PLAC8: variants seen among roughly 807,000 people sequenced by gnomAD.
PLAC8 encodes placenta associated 8.
PLAC8 carries 6 observed loss-of-function variants against 12.6 expected under a neutral mutation model. That is an observed-to-expected ratio of 0.48 (90% CI 0.26 to 0.94). The LOEUF (loss-of-function observed/expected upper bound fraction) is 0.94. Among genes scored for constraint, PLAC8 ranks in the 40% least tolerant of loss-of-function variants. The pLI is 0.14. For synonymous variants in PLAC8, 54 were observed against 52.6 expected (o/e 1.03, Z -0.11); for missense variants, 122 against 152.7 (o/e 0.80, Z 1.06).
intron 3 of PLAC8, among the ~76,000 whole-genome samples, chr4:83,097,171 T>C (rs541484883): frequency 6.6e-6 from 1 of 152,212 alleles, no homozygotes; most frequent in African/African-American, 2.4e-5. Context: ...AATTAAGAAA[T>C]TGGCAAATGA....
rs147287711 is a variant in PLAC8, at chr4:83,102,520, C to T, written c.243+2376G>A. 1.3e-3 allele frequency among the ~76,000 whole-genome samples: 199 copies of T among 152,148 alleles called. 1 individual carries two copies. Among genetic ancestry groups the T allele is most frequent in the African/African-American group, 4.6e-3 (189 of 41,516 alleles). On this transcript the variant is annotated intron_variant, in intron 3 of 4. Coordinates refer to ENST00000311507, the MANE Select transcript of PLAC8 (RefSeq NM_016619.3). ...CGCCACTGCACTCCAGCCTGGGTGA[C>T]AGAGTGAGACCCTGTCTCAAAAAAC...
chr4:83,100,379 A>G (rs1049516437), intron 3 of PLAC8, among the ~76,000 whole-genome samples: 3 of 152,058 alleles, frequency 2.0e-5, no homozygotes, highest in African/African-American at 7.2e-5. Context: ...CATAATTGTA[A>G]GCTTCCACAG....
rs769028537 is a variant in PLAC8, at chr4:83,104,995, C to T, written c.144G>A (p.Pro48=). 3.1e-6 allele frequency: 5 copies of T among 1,613,892 alleles called. No individual in the cohort carries two copies. Among genetic ancestry groups the T allele is most frequent in the Non-Finnish European group, 4.2e-6 (5 of 1,180,008 alleles). ...CAGCTGCAACTTGACACCCAAGGCA[C>T]GGGAAACAAAATGTGCCACAGAGAC... ...GVCLCGTFCF[P]CLGCQVAADM... The change falls in exon 3 of 5, where the codon CCG becomes CCA. Residue 48 remains proline (P), a synonymous_variant. Coordinates refer to ENST00000311507, the MANE Select transcript of PLAC8 (RefSeq NM_016619.3).
At chr4:83,091,028 T>C (rs779315578) in intron 4 of PLAC8, 57 bp from the exon 5 acceptor site, 7 of 152,206 alleles carry the variant, frequency 4.6e-5, no homozygotes, top group Non-Finnish European at 7.4e-5. Flanking sequence ...TAATTTTTAA[T>C]AAACTTTTAA....
intron 3 of PLAC8, among the ~76,000 whole-genome samples, chr4:83,097,436 T>G (rs1471913003): frequency 6.6e-6 from 1 of 152,194 alleles, no homozygotes; most frequent in Non-Finnish European, 1.5e-5. Context: ...TAAGTTGTCT[T>G]GAAAATGTAG....
chr4:83,094,755 A>C lies in PLAC8; in HGVS notation c.280T>G (p.Cys94Gly). 1 of 1,604,946 alleles carries C rather than the reference A, an allele frequency of 6.2e-7. No homozygotes were observed. The highest frequency in any genetic ancestry group is 8.5e-7 in the Non-Finnish European group (1 of 1,177,164). ...ICDDYMATLC[C>G]PHCTLCQIKR... ...ATTTGGCAAAGAGTACAATGAGGAC[A>C]GCAAAGAGTTGCCATATAGTCATCA... Residue 94 changes from cysteine (C) to glycine (G), a missense_variant, in exon 4 of 5, where the codon TGT (cysteine) becomes GGT (glycine). Coordinates refer to ENST00000311507, the MANE Select transcript of PLAC8 (RefSeq NM_016619.3).
intron 4 of PLAC8, among the ~76,000 whole-genome samples, chr4:83,092,426 G>A (rs1385826722): frequency 6.6e-6 from 1 of 151,776 alleles, no homozygotes. Context: ...TAGAGATGAG[G>A]TCTTGCTATG....
intron 3 of PLAC8, among the ~76,000 whole-genome samples, chr4:83,103,258 G>T (rs921613029): frequency 6.0e-5 from 9 of 149,230 alleles, no homozygotes; most frequent in Non-Finnish European, 1.5e-5. Context: ...AGCTGGGCAC[G>T]GTGGCGGGTA....
chr4:83,103,979 T>C (rs1732176165), intron 3 of PLAC8, among the ~76,000 whole-genome samples: 2 of 152,102 alleles, frequency 1.3e-5, no homozygotes, highest in Non-Finnish European at 2.9e-5. Context: ...ATTGTTGCCT[T>C]ACTTGAAGAA....
At chr4:83,091,925 C>T (rs1731816844) in intron 4 of PLAC8, among the ~76,000 whole-genome samples, 1 of 152,110 alleles carries the variant, frequency 6.6e-6, no homozygotes, top group South Asian at 2.1e-4. Context: ...CTAACACGAC[C>T]TTATTTTGTT....
intron 1 of PLAC8, among the ~76,000 whole-genome samples, chr4:83,110,554 G>C (rs1428575997): frequency 6.6e-6 from 1 of 152,182 alleles, no homozygotes; most frequent in Non-Finnish European, 1.5e-5. Flanking sequence ...TCGGGACCTG[G>C]TACACAGGAG....
rs757080345 is a variant in PLAC8, at chr4:83,094,831, C to T, written c.244-40G>A. On this transcript the variant is annotated intron_variant, in intron 3 of 4. Coordinates refer to ENST00000311507, the MANE Select transcript of PLAC8 (RefSeq NM_016619.3). Reference sequence around the variant, plus strand: ...AAAAGAAATAAAAATATAAAATTCACCTATTTGGAATTAAGACTTGCCACA... The same window carrying T: ...AAAAGAAATAAAAATATAAAATTCATCTATTTGGAATTAAGACTTGCCACA... 7 of 1,268,068 alleles carry T rather than the reference C, an allele frequency of 5.5e-6. No homozygotes were observed. The African/African-American group carries it at 9.2e-5, about 17-fold the overall frequency. The allele number at this position is 1,268,068 out of a possible 1,614,324, so 78.6% of individuals were successfully genotyped here.
Position 83,108,842 on chromosome 4 carries a change from C to T in PLAC8, c.-29-892G>A, listed in dbSNP as rs997543131. Among the ~76,000 whole-genome samples the T allele has an allele frequency of 1.7e-4, 26 of 152,250 alleles. No homozygotes were observed. The East Asian group carries it at 3.7e-3, about 21-fold the overall frequency. The stretch of plus-strand genomic sequence containing the variant: ...TTGTGTATATCCCCCCTTCTTGTTC[C>T]TAATTTATTCTTTTTTGTTTTGGAC... On this transcript the variant is annotated intron_variant, in intron 1 of 4. Coordinates refer to ENST00000311507, the MANE Select transcript of PLAC8 (RefSeq NM_016619.3).
intron 3 of PLAC8, among the ~76,000 whole-genome samples, chr4:83,098,945 T>C (rs760157284): frequency 8.5e-5 from 13 of 152,148 alleles, no homozygotes; most frequent in African/African-American, 3.1e-4. Flanking sequence ...ACAAAAATCA[T>C]ACAGGAAGCA....
intron 1 of PLAC8, chr4:83,109,810 G>C (rs987709726): frequency 1.0e-4 from 16 of 152,658 alleles, no homozygotes; most frequent in African/African-American, 3.6e-4. Context: ...CACCCCGCCG[G>C]ATTACGCCTC....
chr4:83,107,383 G>A (rs900913225), intron 2 of PLAC8, among the ~76,000 whole-genome samples: 1 of 151,794 alleles, frequency 6.6e-6, no homozygotes, highest in East Asian at 1.9e-4. Context: ...CTTGGGTACT[G>A]GACACAATGT....
At chr4:83,106,246 G>A (rs1330794352) in intron 2 of PLAC8, among the ~76,000 whole-genome samples, 20 of 151,888 alleles carry the variant, frequency 1.3e-4, no homozygotes, top group African/African-American at 3.6e-4. Context: ...TGATCTGCCC[G>A]CCTTGGCCTC....
At chr4:83,113,478 A>G (rs1199615608) in intron 1 of PLAC8, among the ~76,000 whole-genome samples, 1 of 152,200 alleles carries the variant, frequency 6.6e-6, no homozygotes, top group Non-Finnish European at 1.5e-5. Context: ...CTACAGATCC[A>G]ATTTAATTCA....
At chr4:83,095,316 A>G (rs951815967) in intron 3 of PLAC8, among the ~76,000 whole-genome samples, 1 of 152,240 alleles carries the variant, frequency 6.6e-6, no homozygotes, top group African/African-American at 2.4e-5. Flanking sequence ...GATGAAAATG[A>G]TAAAACATCT....
Sources: allele counts gnomAD v4.1 joint callset (sites outside exome capture counted in the v4.1 genomes callset), GRCh38; gene constraint gnomAD v4.1.1; transcripts MANE v1.5; gene names NCBI Gene and HGNC (gene_info 2026-07-23, HGNC 2026-07-21).